HRH1: variants seen among roughly 807,000 people sequenced by gnomAD.
The protein encoded by HRH1 is histamine receptor H1.
Under a neutral mutation model 10.3 loss-of-function variants are expected in HRH1, and 6 were observed. The ratio of observed to expected loss-of-function variants is 0.58; its 90% CI spans 0.32 to 1.15. The LOEUF is 1.15. Among genes scored for constraint, HRH1 ranks in the 50% most tolerant of loss-of-function variants. HRH1 has a pLI of 0.05. For missense variants in HRH1, 514 were observed against 615.3 expected (o/e 0.84, Z 1.74); for synonymous variants, 242 against 236.7 (o/e 1.02, Z -0.21).
rs1939974374 is a variant in HRH1, at chr3:11,262,209, G to C, written c.*1708G>C. Reference sequence around the variant, plus strand: ...AGCATATGGAGTGCCTGTACAAGCTGATGTTTTGTATTTTGTGTTCCTCTT... The same window carrying C: ...AGCATATGGAGTGCCTGTACAAGCTCATGTTTTGTATTTTGTGTTCCTCTT... On this transcript the variant is annotated 3_prime_UTR_variant, in exon 2 of 2. Transcript: ENST00000431010. 6.0e-6 allele frequency: 1 copy of C among 167,028 alleles called. No individual in the cohort carries two copies. The highest frequency in any genetic ancestry group is 2.1e-4 in the South Asian group (1 of 4,828). The allele number at this position is 167,028 out of a possible 1,614,324, so 10.3% of individuals were successfully genotyped here.
upstream of HRH1, among the ~76,000 whole-genome samples, chr3:11,152,171 AC>A (rs1287515210): frequency 6.6e-6 from 1 of 152,170 alleles, no homozygotes; most frequent in African/African-American, 2.4e-5. Context: ...TGACAACAGT[AC>A]CTACCTCATG....
intron 1 of HRH1, among the ~76,000 whole-genome samples, chr3:11,237,367 G>C (rs542759355): frequency 3.9e-5 from 6 of 152,230 alleles, no homozygotes; most frequent in Admixed American, 2.6e-4. Context: ...AGGATGGAGT[G>C]GGGGGAGTAT....
chr3:11,215,712 A>G (rs535669130), intron 1 of HRH1, among the ~76,000 whole-genome samples: 1 of 152,198 alleles, frequency 6.6e-6, no homozygotes, highest in South Asian at 2.1e-4. Flanking sequence ...GAGTGCTGGG[A>G]TTACAGGCGT....
intron 1 of HRH1, among the ~76,000 whole-genome samples, chr3:11,225,009 C>T (rs1051717145): frequency 3.9e-5 from 6 of 152,222 alleles, no homozygotes; most frequent in African/African-American, 1.2e-4. Flanking sequence ...AAGTAGGCAA[C>T]GTCAAAGTGG....
chr3:11,218,594 G>C (rs1188184720), intron 1 of HRH1, among the ~76,000 whole-genome samples: 1 of 152,094 alleles, frequency 6.6e-6, no homozygotes, highest in East Asian at 1.9e-4. Context: ...ATTTATTCTT[G>C]AGATGGAGGC....
Position 11,260,004 on chromosome 3 carries a change from G to T in HRH1, c.967G>T (p.Ala323Ser), listed in dbSNP as rs761808075. The T allele has an allele frequency of 1.2e-6, 2 of 1,614,058 alleles. No homozygotes were observed. The highest frequency in any genetic ancestry group is 2.7e-5 in the African/African-American group (2 of 74,920). The change falls in exon 2 of 2, where the codon GCC becomes TCC. Residue 323 changes from alanine (A) to serine (S), a missense_variant. Coordinates refer to ENST00000431010, the MANE Select transcript of HRH1 (RefSeq NM_001098212.2). ...AGAGGGGAGTAGCAGGGACTATGTA[G>T]CCGTCAACCGGAGCCATGGCCAGCT... ...AAEGSSRDYV[A>S]VNRSHGQLKT...
upstream of HRH1, chr3:11,154,468 C>G (rs559462153): frequency 1.4e-5 from 1 of 69,158 alleles, no homozygotes; most frequent in Non-Finnish European, 2.7e-5. This position sits in a 1 kb window ranked among gnomAD's most constrained non-coding sequence, Gnocchi z 4.4. Flanking sequence ...GAGAGCTCCC[C>G]GGCGCCCCCG....
intron 1 of HRH1, among the ~76,000 whole-genome samples, chr3:11,217,330 G>A (rs1421807537): frequency 6.6e-6 from 1 of 151,858 alleles, no homozygotes; most frequent in Non-Finnish European, 1.5e-5. Context: ...AGGAGTTCAA[G>A]ACCAGCCTGG....
At chr3:11,203,411 T>A (rs1318259873) in intron 1 of HRH1, among the ~76,000 whole-genome samples, 1 of 152,230 alleles carries the variant, frequency 6.6e-6, no homozygotes, top group Non-Finnish European at 1.5e-5. Context: ...CCTTTGGTAT[T>A]GTATCTAAAA....
intron 1 of HRH1, among the ~76,000 whole-genome samples, chr3:11,171,579 C>T (rs144217950): frequency 1.4e-4 from 21 of 152,324 alleles, no homozygotes; most frequent in East Asian, 7.7e-4. Flanking sequence ...ACAAGCTCCC[C>T]GCATTACAGA....
chr3:11,156,086 G>T (rs904962433), intron 1 of HRH1, among the ~76,000 whole-genome samples: 1 of 152,180 alleles, frequency 6.6e-6, no homozygotes, highest in African/African-American at 2.4e-5. Context: ...AGCAGCAAAG[G>T]ATGAATAGAG....
intron 1 of HRH1, among the ~76,000 whole-genome samples, chr3:11,193,979 G>T (rs750605886): frequency 2.0e-5 from 3 of 152,244 alleles, no homozygotes; most frequent in Non-Finnish European, 4.4e-5. Context: ...TTTCTGCTTT[G>T]CAGAGGAGTG....
chr3:11,152,628 C>G (rs1339078114), upstream of HRH1, among the ~76,000 whole-genome samples: 1 of 148,994 alleles, frequency 6.7e-6, no homozygotes, highest in Non-Finnish European at 1.5e-5. Flanking sequence ...CCCCATCCCC[C>G]CTCCCACCTC....
At chr3:11,168,892 C>T (rs1937100789) in intron 1 of HRH1, among the ~76,000 whole-genome samples, 2 of 152,226 alleles carry the variant, frequency 1.3e-5, no homozygotes, top group African/African-American at 4.8e-5. Flanking sequence ...TGAGCTCCAA[C>T]CAGGAGCCTG....
chr3:11,171,305 A>G (rs1461616840), intron 1 of HRH1, among the ~76,000 whole-genome samples: 2 of 151,850 alleles, frequency 1.3e-5, no homozygotes, highest in African/African-American at 4.8e-5. Flanking sequence ...TAGTAGAGAC[A>G]AGGTTTCACC....
chr3:11,238,838 C>T (rs1339672899), intron 1 of HRH1, among the ~76,000 whole-genome samples: 1 of 152,158 alleles, frequency 6.6e-6, no homozygotes, highest in Non-Finnish European at 1.5e-5. Context: ...TTCCAGTTCA[C>T]CCATGGTGTA....
intron 1 of HRH1, among the ~76,000 whole-genome samples, chr3:11,137,849 T>C (rs1008835714): frequency 4.6e-5 from 7 of 152,062 alleles, no homozygotes. Flanking sequence ...ACACTTTCTT[T>C]TGTTATGGCG....
At chr3:11,188,512 G>A (rs138887172) in intron 1 of HRH1, among the ~76,000 whole-genome samples, 53 of 152,258 alleles carry the variant, frequency 3.5e-4, no homozygotes, top group Admixed American at 1.7e-3. Flanking sequence ...CTGAGATTGC[G>A]CCACTGCACT....
At chr3:11,245,141 C>T (rs886130896) in intron 1 of HRH1, among the ~76,000 whole-genome samples, 2 of 152,084 alleles carry the variant, frequency 1.3e-5, no homozygotes, top group Non-Finnish European at 2.9e-5. Context: ...TCACTTGAGG[C>T]CTGGAGTTTC....
Sources: gnomAD v4.1 joint callset for allele counts (sites outside exome capture counted in the v4.1 genomes callset) on GRCh38, gnomAD v4.1.1 for gene constraint, Gnocchi (gnomAD v3.1) non-coding constraint, MANE v1.5 for transcripts, NCBI Gene and HGNC (gene_info 2026-07-23, HGNC 2026-07-21) for gene names.